LMTK2: variants seen among roughly 807,000 people sequenced by gnomAD.
LMTK2 encodes the protein serine/threonine-protein kinase LMTK2.
A neutral mutation model predicts 127.5 loss-of-function variants in LMTK2; 37 were observed. That is an observed-to-expected ratio of 0.29 (90% CI 0.22 to 0.38). The LOEUF (loss-of-function observed/expected upper bound fraction) is 0.38. Ranked by LOEUF, LMTK2 falls within the 10% of genes least tolerant of loss-of-function variation. The pLI is 1.00. For synonymous variants in LMTK2, 819 were observed against 810.1 expected (o/e 1.01, Z -0.19); for missense variants, 1,694 against 1,920.3 (o/e 0.88, Z 2.20).
chr7:98,146,278 T>G (rs1398600524), intron 3 of LMTK2, among the ~76,000 whole-genome samples: 1 of 152,206 alleles, frequency 6.6e-6, no homozygotes, highest in African/African-American at 2.4e-5. Context: ...TTCTTTGTTT[T>G]AATTTTTCAA....
chr7:98,158,534 C>T (rs759502557), intron 5 of LMTK2, among the ~76,000 whole-genome samples: 4 of 151,610 alleles, frequency 2.6e-5, no homozygotes, highest in Admixed American at 2.0e-4. Flanking sequence ...TCTGTATCCA[C>T]AGGTTCTGTG....
Position 98,191,999 on chromosome 7 carries a change from A to C in LMTK2, c.1534A>C (p.Ser512Arg), listed in dbSNP as rs199993164. 38 of 1,611,680 alleles carry C rather than the reference A, an allele frequency of 2.4e-5. No homozygotes were observed. Among genetic ancestry groups the C allele is most frequent in the Non-Finnish European group, 2.9e-5 (34 of 1,177,970 alleles). ...CTTCTATCCGGTTGAAGTTTTTGAG[A>C]GTTCGCTTTCAGATCCTGGGCCCGG... is the stretch of plus-strand genomic sequence containing the variant. ...SIFYPVEVFE[S>R]SLSDPGPGKQ... The change falls in exon 11 of 14, where the codon AGT becomes CGT. Residue 512 changes from serine (S) to arginine (R), a missense_variant. By Grantham distance (110) the Ser-to-Arg change is moderately radical. Around this residue, in one of 8 missense-constraint regions of LMTK2, gnomAD observed 216 missense variants for 266.8 expected, o/e 0.81. Coordinates refer to ENST00000297293, the MANE Select transcript of LMTK2 (RefSeq NM_014916.4).
chr7:98,137,705 A>G (rs1381115197), intron 2 of LMTK2, among the ~76,000 whole-genome samples: 1 of 152,252 alleles, frequency 6.6e-6, no homozygotes, highest in Non-Finnish European at 1.5e-5. Context: ...TTACACAAAT[A>G]GGAGGTTTGG....
chr7:98,189,748 C>T (rs1006656999), intron 9 of LMTK2, among the ~76,000 whole-genome samples: 1 of 152,120 alleles, frequency 6.6e-6, no homozygotes, highest in East Asian at 1.9e-4. Context: ...GACAGAGCAC[C>T]GCAGTGTGAG....
At chr7:98,179,607 C>CTCCCTCTCTCCCTCCT (rs1797324826) in intron 7 of LMTK2, among the ~76,000 whole-genome samples, 1 of 148,426 alleles carries the variant, frequency 6.7e-6, no homozygotes, top group Non-Finnish European at 1.5e-5. Flanking sequence ...CTCTCCCTCC[C>CTCCCTCTCTCCCTCCT]TCCCTTTCTC....
Position 98,205,550 on chromosome 7 carries a change from C to A in LMTK2, c.*58C>A. The A allele has an allele frequency of 6.3e-7, 1 of 1,579,550 alleles. No homozygotes were observed. The highest frequency in any genetic ancestry group is 1.1e-5 in the South Asian group (1 of 90,166). On this transcript the variant is annotated 3_prime_UTR_variant, in exon 14 of 14. Transcript: ENST00000297293. ...CTGCTCCCCTGGAGCGGCGCCCCTG[C>A]GCCCTCAGCCCGAGCAGCGACATCC...
chr7:98,165,832 G>T lies in LMTK2; in HGVS notation c.658-5709G>T, dbSNP rs549458609. Among the ~76,000 whole-genome samples the T allele has an allele frequency of 2.6e-5, 4 of 152,300 alleles. No individual in the cohort carries two copies. The South Asian group carries it at 8.3e-4, about 32-fold the overall frequency. ...CCCTAAGGAGCTCATGTAGAGGAGA[G>T]GGGACACAGAGTCACGGTGGAACAG... On this transcript the variant is annotated intron_variant, in intron 6 of 13. Coordinates refer to ENST00000297293, the MANE Select transcript of LMTK2 (RefSeq NM_014916.4).
chr7:98,178,480 C>T (rs1295211388), intron 7 of LMTK2, among the ~76,000 whole-genome samples: 1 of 152,186 alleles, frequency 6.6e-6, no homozygotes, highest in Non-Finnish European at 1.5e-5. Context: ...TGGTCTCAGT[C>T]ACAGCAAGTG....
At position 98,122,327 on chromosome 7, in the gene LMTK2, A is replaced by T. The variant is rs574120735; in HGVS notation, c.104-14988A>T. ...ATTTTGTCACCCAGGCAATCAGCAT[A>T]GTACCCCATAGGCAGTTTCCCAGTT... On this transcript the variant is annotated intron_variant, in intron 1 of 13. Coordinates refer to ENST00000297293, the MANE Select transcript of LMTK2 (RefSeq NM_014916.4). 2.0e-5 allele frequency among the ~76,000 whole-genome samples: 3 copies of T among 152,264 alleles called. No homozygotes were observed. The South Asian group carries it at 6.2e-4, about 32-fold the overall frequency.
At chr7:98,136,515 C>T (rs1312461449) in intron 1 of LMTK2, among the ~76,000 whole-genome samples, 1 of 152,190 alleles carries the variant, frequency 6.6e-6, no homozygotes, top group Non-Finnish European at 1.5e-5. Flanking sequence ...ACAGACTCTA[C>T]TACTCCTCCC....
chr7:98,122,456 C>CCTCTCCGTGTGTTTGGCTGTTGTGTCCT (rs1796377176), intron 1 of LMTK2, among the ~76,000 whole-genome samples: 1 of 151,978 alleles, frequency 6.6e-6, no homozygotes, highest in South Asian at 2.1e-4. Context: ...TCAAGAGTCA[C>CCTCTCCGTGTGTTTGGCTGTTGTGTCCT]GGACAGGTAT....
chr7:98,120,574 A>G (rs1194879939), intron 1 of LMTK2, among the ~76,000 whole-genome samples: 1 of 152,188 alleles, frequency 6.6e-6, no homozygotes, highest in East Asian at 1.9e-4. Context: ...CACTAAATTT[A>G]AGTTTAAAGT....
rs144268899 is a variant in LMTK2, at chr7:98,152,872, G to A, written c.450+1417G>A. Among the ~76,000 whole-genome samples the A allele has an allele frequency of 6.7e-3, 1,023 of 152,300 alleles. 10 individuals carry two copies. Among genetic ancestry groups the A allele is most frequent in the Middle Eastern group, 0.027 (8 of 294 alleles). ...CCAGGCAGCTTGAACCTGGATGCTA[G>A]CGGTGGAGGTGGCAAGAAGTGGTAG... On this transcript the variant is annotated intron_variant, in intron 4 of 13. Transcript: ENST00000297293.
chr7:98,137,245 A>G, intron 1 of LMTK2, 70 bp from the exon 2 acceptor site: 2 of 1,441,126 alleles, frequency 1.4e-6, no homozygotes, highest in Non-Finnish European at 1.9e-6. Context: ...AGAGGAAAAT[A>G]TATTGATTCA....
chr7:98,159,963 A>T (rs1260525866), intron 6 of LMTK2, among the ~76,000 whole-genome samples: 1 of 152,214 alleles, frequency 6.6e-6, no homozygotes, highest in African/African-American at 2.4e-5. Flanking sequence ...TAGCATGATA[A>T]TATTATTTAT....
intron 3 of LMTK2, among the ~76,000 whole-genome samples, chr7:98,149,314 A>G (rs1468380786): frequency 6.6e-6 from 1 of 152,142 alleles, no homozygotes; most frequent in Admixed American, 6.5e-5. Context: ...TAAAGCTACA[A>G]AGATATTCTA....
In LMTK2 at chr7:98,193,001, G is replaced by A. The variant is rs771335033; in HGVS notation, c.2536G>A (p.Asp846Asn). 6.2e-7 allele frequency: 1 copy of A among 1,614,080 alleles called. No homozygotes were observed. Among genetic ancestry groups the A allele is most frequent in the Admixed American group, 1.7e-5 (1 of 60,020 alleles). ...TQGETQPTCL[D>N]VIVPEDCLHQ... ...GGGAGAAACCCAGCCCACGTGTTTA[G>A]ATGTTATTGTCCCGGAGGACTGTCT... Residue 846 changes from aspartate to asparagine, a missense_variant, in exon 11 of 14, where the codon GAT becomes AAT. Physicochemically the swap from Asp to Asn is conservative, Grantham distance 23 (BLOSUM62 1). Around this residue, in one of 8 missense-constraint regions of LMTK2, gnomAD observed 527 missense variants for 539.8 expected, o/e 0.98. Transcript: ENST00000297293. This position sits in a 1 kb window ranked among gnomAD's most constrained non-coding sequence, Gnocchi z 4.1.
rs1209396689 is a variant in LMTK2, at chr7:98,203,918, G to A, written c.4241-26G>A. On this transcript the variant is annotated intron_variant, in intron 12 of 13. Coordinates refer to ENST00000297293, the MANE Select transcript of LMTK2 (RefSeq NM_014916.4). Reference sequence around the variant, plus strand: ...TCCCTCATCACGCAGTGATAAAAAGGGTGGGGTTTTATTTTTTATTTCTAG... The same window carrying A: ...TCCCTCATCACGCAGTGATAAAAAGAGTGGGGTTTTATTTTTTATTTCTAG... The A allele has an allele frequency of 2.5e-6, 4 of 1,611,398 alleles. No individual in the cohort carries two copies. The African/African-American group carries it at 5.4e-5, about 22-fold the overall frequency.
At chr7:98,121,689 A>G (rs1796363561) in intron 1 of LMTK2, among the ~76,000 whole-genome samples, 2 of 150,872 alleles carry the variant, frequency 1.3e-5, no homozygotes, top group Admixed American at 1.3e-4. Context: ...TAGGCTGAAA[A>G]AAATCACATT....
Sources: allele counts gnomAD v4.1 joint callset (sites outside exome capture counted in the v4.1 genomes callset), GRCh38; gene constraint gnomAD v4.1.1; regional missense constraint gnomAD v4.1.1; non-coding constraint Gnocchi (gnomAD v3.1); transcripts MANE v1.5; gene names NCBI Gene and HGNC (gene_info 2026-07-23, HGNC 2026-07-21).